The following KLRG1 variants were observed in gnomAD, a reference collection of about 807,000 sequenced individuals.
KLRG1 encodes the protein killer cell lectin-like receptor subfamily G member 1.
Under a neutral mutation model 21.8 loss-of-function variants are expected in KLRG1, and 16 were observed. The ratio of observed to expected loss-of-function variants is 0.73; its 90% CI spans 0.50 to 1.11. The LOEUF (loss-of-function observed/expected upper bound fraction) is 1.11. Among genes scored for constraint, KLRG1 ranks in the 50% most tolerant of loss-of-function variants. The pLI, the probability that KLRG1 is intolerant of heterozygous loss-of-function variation, is 0.00. For missense variants in KLRG1, 173 were observed against 218.3 expected, an observed-to-expected ratio of 0.79 and a Z score of 1.31; for synonymous variants, 69 against 75.9, an observed-to-expected ratio of 0.91 and a Z score of 0.47.
At chr12:9,069,714 T>G in the KLRG1 span, 1 of 1,582,400 alleles carries the variant, frequency 6.3e-7, no homozygotes, top group East Asian at 2.2e-5. Flanking sequence ...TTATCTACGT[T>G]TTTTTGCAAA....
the KLRG1 span, among the ~76,000 whole-genome samples, chr12:9,210,868 A>G: frequency 1.3e-5 from 2 of 152,174 alleles, no homozygotes; most frequent in Non-Finnish European, 2.9e-5. Context: ...GTGATCATCC[A>G]AGAGGTTTAA....
At position 9,009,028 on chromosome 12, in the gene KLRG1, C is replaced by T. The variant is rs1448976733; in HGVS notation, c.411C>T (p.Asn137=). The part of the protein sequence containing the change: ...SEAFCWIGLR[N]NSGWRWEDGS... ...CCTTTTGCTGGATTGGTCTGAGGAA[C>T]AATTCTGGCTGGAGGTGGGAAGATG... The change falls in exon 4 of 5, where the codon AAC becomes AAT. Residue 137 remains asparagine, a synonymous_variant. Coordinates refer to ENST00000356986, the MANE Select transcript of KLRG1 (RefSeq NM_005810.4). The T allele has an allele frequency of 6.2e-7, 1 of 1,613,832 alleles. No individual in the cohort carries two copies. The highest frequency in any genetic ancestry group is 8.5e-7 in the Non-Finnish European group (1 of 1,179,902).
intron 1 of KLRG1, among the ~76,000 whole-genome samples, chr12:8,958,148 A>G (rs780739683): frequency 5.9e-5 from 9 of 152,118 alleles, no homozygotes; most frequent in African/African-American, 2.2e-4. Flanking sequence ...TTCTCCCAAC[A>G]TGGCCTCCCA....
intron 3 of KLRG1, among the ~76,000 whole-genome samples, chr12:8,997,648 AAAC>A (rs1947173695): frequency 6.6e-6 from 1 of 152,190 alleles, no homozygotes; most frequent in Non-Finnish European, 1.5e-5. Flanking sequence ...TTATGCTGTT[AAAC>A]GGTCATCTTT....
chr12:9,089,819 T>C, the KLRG1 span: 4 of 922,726 alleles, frequency 4.3e-6, no homozygotes, highest in Non-Finnish European at 6.1e-6. Flanking sequence ...ATGAGAATAA[T>C]ATTATAAAAT....
At chr12:9,179,608 A>G in the KLRG1 span, among the ~76,000 whole-genome samples, 4 of 152,162 alleles carry the variant, frequency 2.6e-5, no homozygotes, top group Admixed American at 1.3e-4. Context: ...TACAGACATA[A>G]ATAGTTCGAT....
chr12:9,041,416 C>A, the KLRG1 span, among the ~76,000 whole-genome samples: 2 of 152,154 alleles, frequency 1.3e-5, no homozygotes, highest in African/African-American at 2.4e-5. Flanking sequence ...GTTTGACATG[C>A]GTATTTTGAT....
At chr12:9,025,987 C>G in the KLRG1 span, among the ~76,000 whole-genome samples, 1 of 152,186 alleles carries the variant, frequency 6.6e-6, no homozygotes, top group South Asian at 2.1e-4. Context: ...AGAGACACGA[C>G]ATTGCTGGGC....
intron 1 of KLRG1, among the ~76,000 whole-genome samples, chr12:8,955,164 C>T (rs1158546866): frequency 6.6e-6 from 1 of 152,072 alleles, no homozygotes; most frequent in Non-Finnish European, 1.5e-5. Context: ...CCGCCCACCT[C>T]GGCCTCCCAA....
chr12:9,112,576 C>T, the KLRG1 span: 26 of 1,609,678 alleles, frequency 1.6e-5, no homozygotes, highest in African/African-American at 1.7e-4. Flanking sequence ...ATTCAGCACC[C>T]GCAGGTCTCC....
the KLRG1 span, among the ~76,000 whole-genome samples, chr12:9,127,093 G>A: frequency 6.6e-6 from 1 of 152,130 alleles, no homozygotes; most frequent in Admixed American, 6.5e-5. Flanking sequence ...CTTTATTAAA[G>A]CACCTCATTC....
chr12:9,095,681 T>C, the KLRG1 span: 1 of 1,612,482 alleles, frequency 6.2e-7, no homozygotes, highest in Non-Finnish European at 8.5e-7. Flanking sequence ...GAGGTCCTTT[T>C]CTGGTAGCAG....
chr12:9,208,214 A>G, the KLRG1 span: 1 of 1,469,084 alleles, frequency 6.8e-7, no homozygotes, highest in Non-Finnish European at 9.5e-7. Context: ...CACAAGGGAG[A>G]GACTGAAACG....
chr12:9,150,947 A>G, the KLRG1 span, among the ~76,000 whole-genome samples: 23 of 152,220 alleles, frequency 1.5e-4, 1 homozygote, highest in Non-Finnish European at 2.9e-5. Flanking sequence ...ATTTTCTTCT[A>G]AACAACTGAG....
At chr12:9,177,837 T>C in the KLRG1 span, among the ~76,000 whole-genome samples, 1 of 152,160 alleles carries the variant, frequency 6.6e-6, no homozygotes, top group Non-Finnish European at 1.5e-5. Context: ...AAGACAGACA[T>C]AAACTGTTGA....
the KLRG1 span, among the ~76,000 whole-genome samples, chr12:9,100,193 A>T: frequency 3.9e-5 from 6 of 152,216 alleles, no homozygotes; most frequent in Admixed American, 2.6e-4. Flanking sequence ...TTCATAAATC[A>T]TAACTATCTT....
At chr12:9,076,860 T>C in the KLRG1 span, 4 of 1,613,620 alleles carry the variant, frequency 2.5e-6, no homozygotes, top group South Asian at 2.2e-5. Context: ...GGTATATACA[T>C]GGCTGCCATG....
chr12:9,015,112 C>T (rs1040097894), downstream of KLRG1, among the ~76,000 whole-genome samples: 5 of 151,874 alleles, frequency 3.3e-5, no homozygotes, highest in South Asian at 2.1e-4. Flanking sequence ...AAGAGAAGAC[C>T]GCAAAACAGC....
chr12:9,144,354 T>G, the KLRG1 span, among the ~76,000 whole-genome samples: 1 of 152,126 alleles, frequency 6.6e-6, no homozygotes, highest in Non-Finnish European at 1.5e-5. Context: ...TTCAGGTTAG[T>G]TGTCCTGCTC....
Sources: allele counts gnomAD v4.1 joint callset (sites outside exome capture counted in the v4.1 genomes callset), GRCh38; gene constraint gnomAD v4.1.1; transcripts MANE v1.5; gene names NCBI Gene and HGNC (gene_info 2026-07-23, HGNC 2026-07-21).